KCNK10: variants seen among roughly 807,000 people sequenced by gnomAD.
KCNK10 encodes the protein potassium two pore domain channel subfamily K member 10, also known as potassium channel subfamily K member 10.
KCNK10 carries 25 observed loss-of-function variants against 47.7 expected under a neutral mutation model. The ratio of observed to expected loss-of-function variants is 0.52; its 90% confidence interval spans 0.38 to 0.73. KCNK10 has a LOEUF of 0.73. Among genes scored for constraint, KCNK10 ranks in the 30% least tolerant of loss-of-function variants. The pLI is 0.00. For synonymous variants in KCNK10, 303 were observed against 285.6 expected (o/e 1.06, Z -0.61); for missense variants, 563 against 714.5 (o/e 0.79, Z 2.42).
rs563759435 is a variant in KCNK10 at position 88,202,570 on chromosome 14, C to T, written c.682-10160G>A. On this transcript the variant is annotated intron_variant, in intron 4 of 6. Coordinates refer to ENST00000319231, the MANE Select transcript of KCNK10 (RefSeq NM_138317.3). The stretch of plus-strand genomic sequence containing the variant: ...AGTCATCTAAGAGTCCTCTGTCCTC[C>T]GTCCTCCTCTTTCGTCTCACTGGCA... 8.7e-4 allele frequency among the ~76,000 whole-genome samples: 133 copies of T among 152,274 alleles called. 1 individual carries two copies. The highest frequency in any genetic ancestry group is 3.1e-3 in the African/African-American group (127 of 41,570).
Position 88,220,416 on chromosome 14 carries a change from C to CAA in KCNK10, c.681+6957_681+6958dup, listed in dbSNP as rs58562095. 2.7e-3 allele frequency among the ~76,000 whole-genome samples: 80 copies of CAA among 30,158 alleles called. 18 individuals carry two copies. Among genetic ancestry groups the CAA allele is most frequent in the Non-Finnish European group, 3.6e-3 (69 of 19,064 alleles). 19.8% of individuals were successfully genotyped at this position (30,158 alleles called of 152,430 possible). ...TGGGCGACAGAGCGAGACTCCGTCT[C>CAA]AAAAAAAAAAAAAAAAAAAAAAAAA... On this transcript the variant is annotated intron_variant, in intron 4 of 6. Transcript: ENST00000319231.
rs181648984 is a variant in KCNK10 at position 88,207,888 on chromosome 14, G to C, written c.682-15478C>G. Among the ~76,000 whole-genome samples, 531 of 152,244 alleles carry C rather than the reference G, an allele frequency of 3.5e-3. 12 individuals carry two copies. Among genetic ancestry groups the C allele is most frequent in the Non-Finnish European group, 1.1e-3 (73 of 68,020 alleles). On this transcript the variant is annotated intron_variant, in intron 4 of 6. Transcript: ENST00000319231. Reference sequence around the variant, plus strand: ...TGACCTCATTTAGAAGTCAGGAAAAGCTCCCCAAGGAACTGACATTTGAGC... The same window carrying C: ...TGACCTCATTTAGAAGTCAGGAAAACCTCCCCAAGGAACTGACATTTGAGC...
rs562958641 is a variant in KCNK10, at chr14:88,225,846, C to T, written c.681+1529G>A. Among the ~76,000 whole-genome samples the T allele has an allele frequency of 7.9e-5, 12 of 152,320 alleles. No homozygotes were observed. In the South Asian group the frequency reaches 2.5e-3, roughly 32 times the overall value. ...GTTCTTGGAGACAGGGCTGCTATGT[C>T]TGGTTTAGGAAGAACTAAACATCTG... On this transcript the variant is annotated intron_variant, in intron 4 of 6. Transcript: ENST00000319231.
chr14:88,282,518 A>G (rs1019449073), intron 1 of KCNK10, among the ~76,000 whole-genome samples: 10 of 152,246 alleles, frequency 6.6e-5, no homozygotes, highest in Non-Finnish European at 1.0e-4. Context: ...TAGCCATGCC[A>G]TACCTCAAGG....
intron 2 of KCNK10, among the ~76,000 whole-genome samples, chr14:88,261,383 A>G (rs1031319567): frequency 8.5e-5 from 13 of 152,232 alleles, no homozygotes; most frequent in African/African-American, 1.4e-4. Flanking sequence ...CATTCTCTAT[A>G]GCATGCTAGG....
chr14:88,278,288 C>T lies in KCNK10; in HGVS notation c.53-14737G>A, dbSNP rs565942573. On this transcript the variant is annotated intron_variant, in intron 1 of 6. Coordinates refer to ENST00000319231, the MANE Select transcript of KCNK10 (RefSeq NM_138317.3). The stretch of plus-strand genomic sequence containing the variant: ...CAGTATCATTTTCAAGGATTAATCC[C>T]GTCTTCCCCATATGAGAAGTGTCCC... Among the ~76,000 whole-genome samples, 413 of 152,266 alleles carry T rather than the reference C, an allele frequency of 2.7e-3. 1 individual carries two copies. Among genetic ancestry groups the T allele is most frequent in the Middle Eastern group, 0.014 (4 of 294 alleles).
At chr14:88,231,907 C>T (rs1013696155) in intron 3 of KCNK10, among the ~76,000 whole-genome samples, 4 of 152,216 alleles carry the variant, frequency 2.6e-5, no homozygotes, top group African/African-American at 9.6e-5. Context: ...AGTAGCGCTG[C>T]TTTTCAGAAA....
intron 4 of KCNK10, among the ~76,000 whole-genome samples, chr14:88,214,169 C>A (rs1372370429): frequency 6.6e-6 from 1 of 151,968 alleles, no homozygotes; most frequent in Non-Finnish European, 1.5e-5. Flanking sequence ...GAACTCCTGA[C>A]CTCAGGTGAT....
chr14:88,297,393 T>C (rs1421033288), intron 1 of KCNK10, among the ~76,000 whole-genome samples: 1 of 152,178 alleles, frequency 6.6e-6, no homozygotes, highest in Admixed American at 6.5e-5. Flanking sequence ...TACTTAATAG[T>C]GAGTTTGAAA....
intron 1 of KCNK10, among the ~76,000 whole-genome samples, chr14:88,320,637 A>G (rs1595136840): frequency 6.6e-6 from 1 of 151,842 alleles, no homozygotes; most frequent in Non-Finnish European, 1.5e-5. Context: ...CCTTCACTTC[A>G]CTTCCACACA....
At chr14:88,215,855 T>C (rs1451585444) in intron 4 of KCNK10, among the ~76,000 whole-genome samples, 3 of 152,198 alleles carry the variant, frequency 2.0e-5, no homozygotes, top group Admixed American at 2.0e-4. Context: ...TTTTAGGCAA[T>C]GTTTGATATC....
chr14:88,263,519 G>T lies in KCNK10; in HGVS notation c.85C>A (p.Pro29Thr). The change falls in exon 2 of 7, where the codon CCC (proline) becomes ACC (threonine). Residue 29 changes from proline (P) to threonine (T), a missense_variant. Coordinates refer to ENST00000319231, the MANE Select transcript of KCNK10 (RefSeq NM_138317.3). ...GGTTGCCCGTTAGTGGCGCTCTTGGGCTGGCACACCGGTGCTGCTGCGGGA... is the reference window on the plus strand; with the variant it reads ...GGTTGCCCGTTAGTGGCGCTCTTGGTCTGGCACACCGGTGCTGCTGCGGGA... ...AVPAAAPVCQ[P>T]KSATNGQPPA... 2 of 1,612,820 alleles carry T rather than the reference G, an allele frequency of 1.2e-6. No individual in the cohort carries two copies. Among genetic ancestry groups the T allele is most frequent in the Non-Finnish European group, 1.7e-6 (2 of 1,179,978 alleles).
At chr14:88,326,617 G>GCC (rs1888669215), upstream of KCNK10, 3 of 605,458 alleles carry the variant, frequency 5.0e-6, no homozygotes, top group Non-Finnish European at 8.7e-6. Context: ...GCACTCGCCG[G>GCC]CCCCCAGCAG....
At chr14:88,312,558 GT>G (rs562729559) in intron 1 of KCNK10, among the ~76,000 whole-genome samples, 311 of 152,272 alleles carry the variant, frequency 2.0e-3, no homozygotes, top group Non-Finnish European at 3.0e-3. Context: ...AGGCCATCCT[GT>G]TTTTTCTGGC....
chr14:88,270,688 C>CA, intron 1 of KCNK10: 1 of 780,854 alleles, frequency 1.3e-6, no homozygotes, highest in Middle Eastern at 2.3e-4. Flanking sequence ...CACCTCATCT[C>CA]ACATCTGTGC....
In KCNK10 at chr14:88,263,192, C is replaced by G; in HGVS notation, c.402+10G>C. 6.2e-7 allele frequency: 1 copy of G among 1,607,834 alleles called. No individual in the cohort carries two copies. Among genetic ancestry groups the G allele is most frequent in the Non-Finnish European group, 8.5e-7 (1 of 1,175,866 alleles). On this transcript the variant is annotated intron_variant, in intron 2 of 6. Transcript: ENST00000319231. The stretch of plus-strand genomic sequence containing the variant: ...CCAGCTGGCCTAAGATGGACTCACT[C>G]CCTGCTCACCTGGATCAACGTCTCC...
chr14:88,283,769 C>T (rs544742242), intron 1 of KCNK10, among the ~76,000 whole-genome samples: 6 of 152,070 alleles, frequency 3.9e-5, no homozygotes, highest in African/African-American at 1.4e-4. Flanking sequence ...AAAAAATTAG[C>T]CAGGCATGGT....
chr14:88,318,556 T>G (rs761487955), intron 1 of KCNK10, among the ~76,000 whole-genome samples: 1 of 152,184 alleles, frequency 6.6e-6, no homozygotes. Context: ...AGAGGACATC[T>G]GAGCTGAGAT....
At chr14:88,257,446 G>C (rs1229852591) in intron 2 of KCNK10, among the ~76,000 whole-genome samples, 1 of 152,148 alleles carries the variant, frequency 6.6e-6, no homozygotes, top group Non-Finnish European at 1.5e-5. Context: ...TAACATTCTT[G>C]TCACCACAAA....
Sources: gnomAD v4.1 joint callset for allele counts (sites outside exome capture counted in the v4.1 genomes callset) on GRCh38, gnomAD v4.1.1 for gene constraint, MANE v1.5 for transcripts, NCBI Gene and HGNC (gene_info 2026-07-23, HGNC 2026-07-21) for gene names.